LAMA3: variants seen among roughly 807,000 people sequenced by gnomAD.
LAMA3 encodes the protein laminin subunit alpha-3.
A neutral mutation model predicts 402.0 loss-of-function variants in LAMA3; 281 were observed. The observed-to-expected ratio is 0.70, with a 90% CI of 0.63 to 0.77. LAMA3 has a LOEUF of 0.77. Among genes scored for constraint, LAMA3 ranks in the 30% least tolerant of loss-of-function variants. LAMA3 has a pLI of 0.00. For synonymous variants in LAMA3, 1,431 were observed against 1,558.4 expected (o/e 0.92, Z 1.93); for missense variants, 3,840 against 4,215.5 (o/e 0.91, Z 2.47).
At chr18:23,756,405 C>T (rs1294533120) in intron 6 of LAMA3, among the ~76,000 whole-genome samples, 2 of 151,986 alleles carry the variant, frequency 1.3e-5, no homozygotes, top group African/African-American at 2.4e-5. Flanking sequence ...TGCTCAATGC[C>T]GCACAAACGA....
In LAMA3 at chr18:23,819,906, C is replaced by T. The variant is rs778808272; in HGVS notation, c.2213C>T (p.Thr738Ile). 3.1e-6 allele frequency: 5 copies of T among 1,614,070 alleles called. No individual in the cohort carries two copies. The South Asian group carries it at 4.4e-5, about 14-fold the overall frequency. Residue 738 changes from threonine (T) to isoleucine (I), a missense_variant, in exon 19 of 75, where the codon ACA (threonine) becomes ATA (isoleucine). Physicochemically the swap from Thr to Ile is moderately conservative, Grantham distance 89. Transcript: ENST00000313654. Reference sequence around the variant, plus strand: ...AAGTATGAGATTGAAGACGGCAGCACACCTAATGGGAGAGACCTTCGATTT... The same window carrying T: ...AAGTATGAGATTGAAGACGGCAGCATACCTAATGGGAGAGACCTTCGATTT... ...HMKYEIEDGSTPNGRDLRFGF... is the reference protein window; with the variant it reads ...HMKYEIEDGSIPNGRDLRFGF...
intron 8 of LAMA3, among the ~76,000 whole-genome samples, chr18:23,769,500 G>A (rs966158261): frequency 2.0e-5 from 3 of 152,194 alleles, no homozygotes; most frequent in African/African-American, 4.8e-5. Flanking sequence ...ACTGTGAGAC[G>A]TGAAGGATAT....
chr18:23,766,297 A>G (rs1015815130), intron 8 of LAMA3, among the ~76,000 whole-genome samples: 4 of 152,206 alleles, frequency 2.6e-5, no homozygotes, highest in African/African-American at 9.6e-5. Flanking sequence ...GTGCTAAAAG[A>G]AAAAAGAACC....
At chr18:23,838,237 A>G (rs2063625787) in intron 25 of LAMA3, among the ~76,000 whole-genome samples, 1 of 152,248 alleles carries the variant, frequency 6.6e-6, no homozygotes, top group Admixed American at 6.5e-5. Flanking sequence ...AATGAAGTAT[A>G]TTGATAAATT....
chr18:23,874,818 T>C (rs924005063), intron 38 of LAMA3, among the ~76,000 whole-genome samples: 2 of 152,222 alleles, frequency 1.3e-5, no homozygotes, highest in African/African-American at 4.8e-5. Flanking sequence ...GCTTTCAAGA[T>C]AGGGTATATA....
chr18:23,872,159 C>T (rs546988308), intron 38 of LAMA3, among the ~76,000 whole-genome samples: 6 of 152,300 alleles, frequency 3.9e-5, no homozygotes, highest in Admixed American at 3.9e-4. Flanking sequence ...ATTTGAGCCC[C>T]TGCTTTCCCA....
At chr18:23,738,626 G>T (rs1171494251) in intron 2 of LAMA3, among the ~76,000 whole-genome samples, 1 of 152,192 alleles carries the variant, frequency 6.6e-6, no homozygotes, top group African/African-American at 2.4e-5. Context: ...GCCCACCTGT[G>T]AGGACACAGC....
In LAMA3 at chr18:23,933,950, C is replaced by T; in HGVS notation, c.8862+15C>T. 1.2e-6 allele frequency: 2 copies of T among 1,613,548 alleles called. No homozygotes were observed. The highest frequency in any genetic ancestry group is 1.1e-5 in the South Asian group (1 of 91,062). ...GTATCAACCAGGTAAGTGTCCAAAC[C>T]TAACCCTGGGTTTCCCTCTTCCCTG... On this transcript the variant is annotated intron_variant, in intron 67 of 74. Transcript: ENST00000313654.
At chr18:23,690,517 A>C (rs2145788297) in intron 1 of LAMA3, among the ~76,000 whole-genome samples, 1 of 152,322 alleles carries the variant, frequency 6.6e-6, no homozygotes, top group African/African-American at 2.4e-5. Flanking sequence ...ATTGGGGGCG[A>C]ATGAGACCTT....
chr18:23,837,226 C>T lies in LAMA3; in HGVS notation c.3093+137C>T. The stretch of plus-strand genomic sequence containing the variant: ...AATTGCCAGTTTAATGTTTATTCTT[C>T]CCATCTAGAACCTGACTTGCCTCTT... On this transcript the variant is annotated intron_variant, in intron 25 of 74. Coordinates refer to ENST00000313654, the MANE Select transcript of LAMA3 (RefSeq NM_198129.4). The T allele has an allele frequency of 5.7e-6, 4 of 698,332 alleles. No individual in the cohort carries two copies. In the South Asian group the frequency reaches 6.1e-5, roughly 11 times the overall value. 43.3% of individuals were successfully genotyped at this position (698,332 alleles called of 1,614,324 possible).
chr18:23,930,906 C>CA (rs2082143655), intron 64 of LAMA3, among the ~76,000 whole-genome samples, 156 bp from the exon 65 acceptor site: 1 of 151,922 alleles, frequency 6.6e-6, no homozygotes, highest in African/African-American at 2.4e-5. Flanking sequence ...GTCAAATATG[C>CA]AAAAAATAAT....
chr18:23,691,884 A>T (rs1373458990), intron 1 of LAMA3, among the ~76,000 whole-genome samples: 2 of 152,104 alleles, frequency 1.3e-5, no homozygotes, highest in East Asian at 3.8e-4. Context: ...ATTTTATGTT[A>T]TACTTGATTT....
intron 6 of LAMA3, among the ~76,000 whole-genome samples, chr18:23,758,078 T>G (rs1033028583): frequency 1.4e-4 from 22 of 152,172 alleles, no homozygotes; most frequent in African/African-American, 5.1e-4. Flanking sequence ...ATTGTAACAA[T>G]GGGGTAGAGA....
intron 2 of LAMA3, among the ~76,000 whole-genome samples, chr18:23,746,910 A>G (rs2061660968): frequency 6.6e-6 from 1 of 151,418 alleles, no homozygotes; most frequent in South Asian, 2.1e-4. Flanking sequence ...TTACCATACT[A>G]CTGTTTGTGA....
At chr18:23,949,722 G>C in intron 70 of LAMA3, 43 bp from the exon 71 acceptor site, 3 of 1,606,310 alleles carry the variant, frequency 1.9e-6, no homozygotes, top group Non-Finnish European at 2.6e-6. Context: ...TGCCTTTCTT[G>C]GAGGTGTAGG....
At chr18:23,815,372 C>T (rs2063155125) in intron 16 of LAMA3, 96 bp from the exon 17 acceptor site, 1 of 1,357,356 alleles carries the variant, frequency 7.4e-7, no homozygotes, top group Non-Finnish European at 1.1e-6. Context: ...CCTGGCTACA[C>T]TGCTTCCTAT....
intron 56 of LAMA3, among the ~76,000 whole-genome samples, chr18:23,913,560 G>A (rs1000907665): frequency 3.3e-5 from 5 of 152,114 alleles, no homozygotes; most frequent in African/African-American, 1.2e-4. Flanking sequence ...TCACTCACTG[G>A]GTTAGGATTC....
At chr18:23,827,586 G>C in intron 23 of LAMA3, 119 bp downstream of exon 23, 4 of 1,151,980 alleles carry the variant, frequency 3.5e-6, no homozygotes, top group Non-Finnish European at 5.0e-6. Flanking sequence ...TTTCTCAGAG[G>C]TGTTTATCAA....
At position 23,954,772 on chromosome 18, in the gene LAMA3, C is replaced by G. The variant is rs1402680474; in HGVS notation, c.*124C>G. On this transcript the variant is annotated 3_prime_UTR_variant, in exon 75 of 75. Coordinates refer to ENST00000313654, the MANE Select transcript of LAMA3 (RefSeq NM_198129.4). ...AAACCAGACAGGTTTAATAGCGAAT[C>G]TAATTTTGAATTCTGACCATGGATA... 9 of 1,052,496 alleles carry G rather than the reference C, an allele frequency of 8.6e-6. No individual in the cohort carries two copies. The highest frequency in any genetic ancestry group is 1.3e-5 in the Non-Finnish European group (9 of 682,958). 65.2% of individuals were successfully genotyped at this position (1,052,496 alleles called of 1,614,324 possible).
Sources: gnomAD v4.1 joint callset for allele counts (sites outside exome capture counted in the v4.1 genomes callset) on GRCh38, gnomAD v4.1.1 for gene constraint, MANE v1.5 for transcripts, NCBI Gene and HGNC (gene_info 2026-07-23, HGNC 2026-07-21) for gene names.